Variants in XKR6 observed in about 807,000 individuals in gnomAD.
XKR6 encodes XK related 6, also known as XK-related protein 6.
A neutral mutation model predicts 56.7 loss-of-function variants in XKR6; 22 were observed. The observed-to-expected ratio is 0.39, with a 90% CI of 0.28 to 0.55. The LOEUF is 0.55. XKR6 is among the 20% of genes least tolerant of loss of function. XKR6 has a pLI of 0.66. For missense variants in XKR6, 852 were observed against 889.0 expected (o/e 0.96, Z 0.53); for synonymous variants, 524 against 387.8 (o/e 1.35, Z -4.13).
intron 1 of XKR6, among the ~76,000 whole-genome samples, chr8:10,930,328 C>T (rs113225536): frequency 0.043 from 6,521 of 152,222 alleles, 172 homozygotes; most frequent in South Asian, 0.088. Context: ...GGGTCTGAGG[C>T]TTAGAGAACC....
At chr8:11,172,101 T>C (rs528998328) in intron 1 of XKR6, among the ~76,000 whole-genome samples, 37 of 150,556 alleles carry the variant, frequency 2.5e-4, no homozygotes, top group Admixed American at 4.0e-4. Flanking sequence ...CCAGATACAG[T>C]GGCTCAGACC....
chr8:10,961,268 C>T (rs1015475252), intron 1 of XKR6, among the ~76,000 whole-genome samples: 9 of 152,196 alleles, frequency 5.9e-5, no homozygotes, highest in African/African-American at 2.2e-4. Flanking sequence ...TCTAGTGTGC[C>T]CACCAGCCGG....
intron 1 of XKR6, among the ~76,000 whole-genome samples, chr8:10,952,889 G>C (rs982677805): frequency 6.6e-6 from 1 of 152,170 alleles, no homozygotes; most frequent in Non-Finnish European, 1.5e-5. Context: ...ATTACCACCT[G>C]AGCTCTGCCT....
At chr8:11,178,257 T>C (rs1383022936) in intron 1 of XKR6, among the ~76,000 whole-genome samples, 2 of 152,132 alleles carry the variant, frequency 1.3e-5, no homozygotes, top group Non-Finnish European at 2.9e-5. Context: ...CTCTAGACAA[T>C]CAGCTCCGGA....
At chr8:10,975,084 CG>C (rs1249969676) in intron 1 of XKR6, among the ~76,000 whole-genome samples, 1 of 152,184 alleles carries the variant, frequency 6.6e-6, no homozygotes, top group Non-Finnish European at 1.5e-5. Flanking sequence ...CTAGAGGCCT[CG>C]GTTTCTCTCT....
At chr8:11,056,821 G>A (rs78430468) in intron 1 of XKR6, among the ~76,000 whole-genome samples, 37 of 152,274 alleles carry the variant, frequency 2.4e-4, no homozygotes, top group East Asian at 2.1e-3. Flanking sequence ...TGCTCCTCCC[G>A]TCTGCTCAGG....
intron 1 of XKR6, among the ~76,000 whole-genome samples, chr8:11,080,379 G>GA (rs893876032): frequency 1.5e-4 from 22 of 149,540 alleles, no homozygotes; most frequent in Non-Finnish European, 2.4e-4. Context: ...TGGGGAAGGA[G>GA]AAAAAAAAAA....
chr8:10,984,757 T>TATATATATATATA (rs1554519601), intron 1 of XKR6, among the ~76,000 whole-genome samples: 66 of 139,816 alleles, frequency 4.7e-4, no homozygotes, highest in South Asian at 9.1e-4. Context: ...TATATATATA[T>TATATATATATATA]TTGAAGAAAT....
chr8:10,941,538 C>T lies in XKR6; in HGVS notation c.765-16708G>A, dbSNP rs113270074. ...GCCACTCCTGCAGGACCTTCAGCCC[C>T]GCAGGCAGTCTCTGAGCCTGATTTT... On this transcript the variant is annotated intron_variant, in intron 1 of 2. Transcript: ENST00000416569. Among the ~76,000 whole-genome samples, 175 of 152,332 alleles carry T rather than the reference C, an allele frequency of 1.1e-3. 1 individual carries two copies. Among genetic ancestry groups the T allele is most frequent in the African/African-American group, 4.1e-3 (170 of 41,578 alleles).
chr8:11,046,077 TTCCGGGTATA>T (rs901527268), intron 1 of XKR6, among the ~76,000 whole-genome samples: 7 of 152,026 alleles, frequency 4.6e-5, no homozygotes, highest in African/African-American at 1.7e-4. Flanking sequence ...CCAATCCCAC[TTCCGGGTATA>T]TACCCAAAAG....
intron 1 of XKR6, among the ~76,000 whole-genome samples, chr8:11,110,164 G>A (rs1183949391): frequency 6.6e-6 from 1 of 152,022 alleles, no homozygotes; most frequent in South Asian, 2.1e-4. Context: ...GTAGAGATGG[G>A]GTTTTACCAT....
chr8:11,164,834 T>C (rs962034698), intron 1 of XKR6, among the ~76,000 whole-genome samples: 5 of 152,262 alleles, frequency 3.3e-5, no homozygotes, highest in South Asian at 4.1e-4. Flanking sequence ...CTGAGACCTG[T>C]CTCCCATACC....
chr8:11,112,683 C>T lies in XKR6; in HGVS notation c.764+87893G>A, dbSNP rs537655499. 5.9e-5 allele frequency among the ~76,000 whole-genome samples: 9 copies of T among 152,280 alleles called. No homozygotes were observed. The South Asian group carries it at 1.9e-3, about 32-fold the overall frequency. On this transcript the variant is annotated intron_variant, in intron 1 of 2. Coordinates refer to ENST00000416569, the MANE Select transcript of XKR6 (RefSeq NM_173683.4). ...AACCACTGAGTGCACACTGGTTTTT[C>T]TTTAAGAACAAGGCGAAGCTGGCCT...
chr8:11,074,403 G>A (rs1163748763), intron 1 of XKR6, among the ~76,000 whole-genome samples: 1 of 152,226 alleles, frequency 6.6e-6, no homozygotes, highest in Non-Finnish European at 1.5e-5. Flanking sequence ...CAGCCTGCAA[G>A]ACTGCCCAGC....
At position 10,896,560 on chromosome 8, in the gene XKR6, C is replaced by A. The variant is rs576087603; in HGVS notation, c.*1392G>T. On this transcript the variant is annotated 3_prime_UTR_variant, in exon 3 of 3. Coordinates refer to ENST00000416569, the MANE Select transcript of XKR6 (RefSeq NM_173683.4). ...TACGTGTGCTATGGGCACACACACA[C>A]ATACACACACAAACACACACATACT... The A allele has an allele frequency of 6.5e-6, 1 of 152,756 alleles. No individual in the cohort carries two copies. The highest frequency in any genetic ancestry group is 6.5e-5 in the Admixed American group (1 of 15,300). The allele number at this position is 152,756 out of a possible 1,614,324, so 9.5% of individuals were successfully genotyped here. A position where few individuals can be genotyped will look rare whatever the true frequency, so the allele number is the denominator to read the frequency against.
At chr8:11,158,479 CAGG>C (rs1801634893) in intron 1 of XKR6, among the ~76,000 whole-genome samples, 1 of 152,180 alleles carries the variant, frequency 6.6e-6, no homozygotes, top group African/African-American at 2.4e-5. Context: ...CACTCTGCTT[CAGG>C]AGCTGTGCCT....
chr8:10,931,299 A>C (rs1298124804), intron 1 of XKR6, among the ~76,000 whole-genome samples: 1 of 152,220 alleles, frequency 6.6e-6, no homozygotes, highest in Non-Finnish European at 1.5e-5. Context: ...TGATACAGAG[A>C]CATACCATGT....
At chr8:11,111,040 G>C (rs6981201) in intron 1 of XKR6, among the ~76,000 whole-genome samples, 64,137 of 136,394 alleles carry the variant, frequency 0.47, 15,444 homozygotes, top group African/African-American at 0.6. Flanking sequence ...TTTTTTAGTA[G>C]AGACAGGGTT....
At chr8:11,051,425 C>T (rs1448898112) in intron 1 of XKR6, among the ~76,000 whole-genome samples, 1 of 152,202 alleles carries the variant, frequency 6.6e-6, no homozygotes, top group African/African-American at 2.4e-5. Context: ...GGGTGTTTCA[C>T]AGGCATCTCC....
Sources: allele counts gnomAD v4.1 joint callset (sites outside exome capture counted in the v4.1 genomes callset), GRCh38; gene constraint gnomAD v4.1.1; transcripts MANE v1.5; gene names NCBI Gene and HGNC (gene_info 2026-07-23, HGNC 2026-07-21).